UBASH3B: variants seen among roughly 807,000 people sequenced by gnomAD.
UBASH3B encodes the protein ubiquitin-associated and SH3 domain-containing protein B.
UBASH3B carries 37 observed loss-of-function variants against 83.4 expected under a neutral mutation model. That is an observed-to-expected ratio of 0.44 (90% confidence interval 0.34 to 0.58). The LOEUF (loss-of-function observed/expected upper bound fraction) is 0.58, where lower values mean the gene tolerates loss of function less well. Among genes scored for constraint, UBASH3B ranks in the 20% least tolerant of loss-of-function variants. The probability of loss-of-function intolerance (pLI) is 0.01; values close to 1 mark genes in which losing one functional copy is unlikely to be tolerated. For missense variants in UBASH3B, 657 were observed against 827.2 expected (o/e 0.79, Z 2.52); for synonymous variants, 304 against 318.3 (o/e 0.96, Z 0.48).
intron 12 of UBASH3B, 60 bp from the exon 13 acceptor site, chr11:122,808,007 T>C: frequency 7.5e-7 from 1 of 1,327,410 alleles, no homozygotes; most frequent in Non-Finnish European, 1.1e-6. Context: ...CTTCCAGTAT[T>C]TGCAAAGTTT....
chr11:122,727,893 C>T (rs902102202), intron 1 of UBASH3B, among the ~76,000 whole-genome samples: 2 of 152,184 alleles, frequency 1.3e-5, no homozygotes, highest in South Asian at 2.1e-4. Context: ...ACAGCTGGGC[C>T]AGATGGCAGC....
rs778395950 is a variant in UBASH3B, at chr11:122,809,921, G to T, written c.*35G>T. On this transcript the variant is annotated 3_prime_UTR_variant, in exon 14 of 14. Coordinates refer to ENST00000284273, the MANE Select transcript of UBASH3B (RefSeq NM_032873.5). ...GTGAACAAGAAGGAAAGGCCTTTTG[G>T]AGTGTGTCTTTCTGTGTGTTTAAAA... 6.2e-6 allele frequency: 10 copies of T among 1,609,600 alleles called. No homozygotes were observed. Among genetic ancestry groups the T allele is most frequent in the Non-Finnish European group, 8.5e-6 (10 of 1,178,598 alleles).
At chr11:122,753,463 G>T (rs1205270455) in intron 1 of UBASH3B, among the ~76,000 whole-genome samples, 7 of 146,744 alleles carry the variant, frequency 4.8e-5, no homozygotes, top group African/African-American at 1.7e-4. Flanking sequence ...AAAAAGAAAA[G>T]AAAAATCCCT....
intron 1 of UBASH3B, among the ~76,000 whole-genome samples, chr11:122,741,760 G>C (rs1440922573): frequency 6.6e-6 from 1 of 152,162 alleles, no homozygotes; most frequent in Admixed American, 6.5e-5. Context: ...TGGGTGGCCA[G>C]GCTGCTTCAG....
chr11:122,657,365 T>C (rs1365894968), intron 1 of UBASH3B, among the ~76,000 whole-genome samples: 1 of 152,156 alleles, frequency 6.6e-6, no homozygotes, highest in Admixed American at 6.6e-5. Flanking sequence ...GCGCAATCTC[T>C]GTAACTTCCG....
At chr11:122,745,004 G>A (rs556674054) in intron 1 of UBASH3B, among the ~76,000 whole-genome samples, 3 of 151,496 alleles carry the variant, frequency 2.0e-5, no homozygotes, top group Admixed American at 6.6e-5. Flanking sequence ...CTGGGGTCTG[G>A]GGAGAGGGTG....
chr11:122,667,540 G>C (rs1863536321), intron 1 of UBASH3B, among the ~76,000 whole-genome samples: 1 of 152,214 alleles, frequency 6.6e-6, no homozygotes, highest in Non-Finnish European at 1.5e-5. Flanking sequence ...TGCGAGGCAA[G>C]AGACAGAAGA....
At chr11:122,710,611 C>T (rs1335345230) in intron 1 of UBASH3B, among the ~76,000 whole-genome samples, 2 of 151,936 alleles carry the variant, frequency 1.3e-5, no homozygotes, top group African/African-American at 2.4e-5. Flanking sequence ...TGTGATCTTG[C>T]TAAATCATAG....
At chr11:122,728,370 CTT>C (rs1860781994) in intron 1 of UBASH3B, among the ~76,000 whole-genome samples, 1 of 152,172 alleles carries the variant, frequency 6.6e-6, no homozygotes, top group Non-Finnish European at 1.5e-5. Context: ...TAGGACCACT[CTT>C]TATGGTGTTC....
chr11:122,711,465 G>A (rs1316364966), intron 1 of UBASH3B, among the ~76,000 whole-genome samples: 1 of 152,260 alleles, frequency 6.6e-6, no homozygotes, highest in Non-Finnish European at 1.5e-5. Flanking sequence ...GCAGAGTGAA[G>A]CTGAGCACAG....
intron 6 of UBASH3B, among the ~76,000 whole-genome samples, chr11:122,789,588 T>A (rs1160328124): frequency 6.6e-6 from 1 of 152,182 alleles, no homozygotes; most frequent in Non-Finnish European, 1.5e-5. Context: ...AAGAGTGGCA[T>A]CATCCCAGTG....
At chr11:122,669,729 T>A (rs1434457750) in intron 1 of UBASH3B, among the ~76,000 whole-genome samples, 1 of 152,186 alleles carries the variant, frequency 6.6e-6, no homozygotes, top group Non-Finnish European at 1.5e-5. Flanking sequence ...AACATATGTA[T>A]TATTTTGTTT....
At chr11:122,676,996 T>G (rs1020012732) in intron 1 of UBASH3B, among the ~76,000 whole-genome samples, 2 of 152,204 alleles carry the variant, frequency 1.3e-5, no homozygotes, top group Non-Finnish European at 2.9e-5. Context: ...TTCTCTTAGA[T>G]GAAATGTTAT....
intron 1 of UBASH3B, among the ~76,000 whole-genome samples, chr11:122,740,943 G>A (rs1488214727): frequency 1.3e-5 from 2 of 152,142 alleles, no homozygotes; most frequent in African/African-American, 4.8e-5. Context: ...CATAAAATGG[G>A]GACTGAGGTT....
chr11:122,695,485 C>T (rs976013105), intron 1 of UBASH3B, among the ~76,000 whole-genome samples: 2 of 152,224 alleles, frequency 1.3e-5, no homozygotes, highest in African/African-American at 2.4e-5. Context: ...ACCTTGATAA[C>T]GCTTCAACCC....
chr11:122,674,564 G>A (rs942012622), intron 1 of UBASH3B, among the ~76,000 whole-genome samples: 2 of 151,754 alleles, frequency 1.3e-5, no homozygotes, highest in Admixed American at 6.6e-5. Context: ...TGCATTTTTA[G>A]TAGAGACAGG....
chr11:122,772,670 A>G (rs1275050343), intron 1 of UBASH3B, among the ~76,000 whole-genome samples: 1 of 152,124 alleles, frequency 6.6e-6, no homozygotes, highest in Non-Finnish European at 1.5e-5. Context: ...CTCCAAGCTG[A>G]GGGCAGAAAG....
chr11:122,687,352 T>G (rs995908127), intron 1 of UBASH3B, among the ~76,000 whole-genome samples: 2 of 152,202 alleles, frequency 1.3e-5, no homozygotes, highest in African/African-American at 4.8e-5. Flanking sequence ...CTTGCCTGAT[T>G]CTTATTTAGC....
chr11:122,675,380 GT>G (rs1863654192), intron 1 of UBASH3B, among the ~76,000 whole-genome samples: 1 of 152,214 alleles, frequency 6.6e-6, no homozygotes, highest in Non-Finnish European at 1.5e-5. Flanking sequence ...TGTGGATGCT[GT>G]TCTGAGAAAG....
Sources: allele counts gnomAD v4.1 joint callset (sites outside exome capture counted in the v4.1 genomes callset), GRCh38; gene constraint gnomAD v4.1.1; transcripts MANE v1.5; gene names NCBI Gene and HGNC (gene_info 2026-07-23, HGNC 2026-07-21).